Variants in TMT1B observed in about 807,000 individuals in gnomAD.
TMT1B encodes thiol methyltransferase 1B.
the TMT1B span, chr12:55,682,306 GC>G: frequency 6.4e-7 from 1 of 1,560,108 alleles, no homozygotes; most frequent in Non-Finnish European, 8.7e-7. Context: ...AGCATCAGCC[GC>G]CCCAGGGTTC....
chr12:55,682,133 G>A, the TMT1B span: 2 of 1,614,102 alleles, frequency 1.2e-6, no homozygotes, highest in Non-Finnish European at 1.7e-6. Flanking sequence ...GGTGGCTCCT[G>A]GAGAGGACAT....
chr12:55,683,931 G>A, the TMT1B span: 4 of 1,614,118 alleles, frequency 2.5e-6, no homozygotes, highest in Non-Finnish European at 8.5e-7. Flanking sequence ...TGCCTCACCA[G>A]AGAGACCTGG....
chr12:55,683,677 G>C, the TMT1B span: 1 of 819,718 alleles, frequency 1.2e-6, no homozygotes, highest in Non-Finnish European at 2.0e-6. Context: ...AAAAGGTCAG[G>C]GGCACGACAG....
At chr12:55,682,258 C>G in the TMT1B span, 14 of 1,604,498 alleles carry the variant, frequency 8.7e-6, no homozygotes, top group Non-Finnish European at 1.1e-5. Flanking sequence ...GACCGGTAAG[C>G]AGGGTGGGAA....
At chr12:55,684,218 C>T in the TMT1B span, 3 of 643,422 alleles carry the variant, frequency 4.7e-6, no homozygotes, top group South Asian at 1.9e-5. Context: ...AGGGCAATCT[C>T]TAACTTCAAT....
chr12:55,682,607 C>CAAAAAA, the TMT1B span, among the ~76,000 whole-genome samples: 5 of 104,180 alleles, frequency 4.8e-5, no homozygotes, highest in Admixed American at 1.1e-4. Flanking sequence ...GCCGTCTCTA[C>CAAAAAA]AAAAAAAAAA....
chr12:55,683,964 TCTC>T, the TMT1B span: 2 of 1,613,892 alleles, frequency 1.2e-6, no homozygotes, highest in East Asian at 2.2e-5. Context: ...AACGCCCAGT[TCTC>T]CGAAATCCAA....
chr12:55,683,676 G>C, the TMT1B span: 1 of 810,964 alleles, frequency 1.2e-6, no homozygotes, highest in Admixed American at 2.3e-5. Flanking sequence ...GAAAAGGTCA[G>C]GGGCACGACA....
the TMT1B span, chr12:55,682,116 G>T: frequency 1.9e-6 from 3 of 1,614,154 alleles, no homozygotes; most frequent in South Asian, 1.1e-5. Flanking sequence ...CAATATGAGC[G>T]GTTTGTGGTG....
chr12:55,682,883 G>A, the TMT1B span, among the ~76,000 whole-genome samples: 1 of 152,156 alleles, frequency 6.6e-6, no homozygotes, highest in African/African-American at 2.4e-5. Context: ...AGTGTTCTAG[G>A]TAAAGATAGT....
At chr12:55,682,363 AC>A in the TMT1B span, 1 of 978,460 alleles carries the variant, frequency 1.0e-6, no homozygotes. Context: ...CACATTAGAC[AC>A]CCCATCCACC....
the TMT1B span, among the ~76,000 whole-genome samples, chr12:55,682,784 A>G: frequency 8.4e-6 from 1 of 119,158 alleles, no homozygotes; most frequent in Non-Finnish European, 1.7e-5. Flanking sequence ...ACCCTGTATC[A>G]AAAAAAATAA....
At chr12:55,684,134 C>G in the TMT1B span, 1 of 1,235,302 alleles carries the variant, frequency 8.1e-7, no homozygotes, top group South Asian at 1.3e-5. Context: ...CTATCTTCCA[C>G]TGAGAGGGAC....
chr12:55,684,098 T>A, the TMT1B span: 1 of 1,564,562 alleles, frequency 6.4e-7, no homozygotes, highest in South Asian at 1.1e-5. Context: ...CAGCCTCCAA[T>A]TAGAACAAGC....
chr12:55,681,952 A>G, the TMT1B span: 1 of 1,614,228 alleles, frequency 6.2e-7, no homozygotes, highest in Non-Finnish European at 8.5e-7. Context: ...AGGGGCTTAC[A>G]GGAGCCTCCG....
the TMT1B span, chr12:55,684,419 T>C: frequency 2.4e-5 from 5 of 212,330 alleles, no homozygotes; most frequent in Admixed American, 5.3e-5. Flanking sequence ...CATGCGTCTC[T>C]AGGAACTGGT....
the TMT1B span, chr12:55,682,167 T>G: frequency 6.2e-7 from 1 of 1,613,742 alleles, no homozygotes; most frequent in South Asian, 1.1e-5. Flanking sequence ...GATGGCTCCA[T>G]GGATGTGGTG....
the TMT1B span, chr12:55,683,912 G>T: frequency 1.2e-6 from 2 of 1,614,104 alleles, no homozygotes; most frequent in Non-Finnish European, 1.7e-6. Context: ...ACACATTGGG[G>T]ATGGCTGCTG....
chr12:55,683,132 A>G, the TMT1B span, among the ~76,000 whole-genome samples: 1 of 152,198 alleles, frequency 6.6e-6, no homozygotes, highest in Non-Finnish European at 1.5e-5. Flanking sequence ...GGATGTTCAC[A>G]GCGATGTCCA....
Sources: gnomAD v4.1 joint callset for allele counts (sites outside exome capture counted in the v4.1 genomes callset) on GRCh38, gnomAD v4.1.1 for gene constraint, MANE v1.5 for transcripts, NCBI Gene and HGNC (gene_info 2026-07-23, HGNC 2026-07-21) for gene names.